Variants in MIS18A observed in about 807,000 individuals in gnomAD.
MIS18A encodes protein Mis18-alpha.
Under a neutral mutation model 25.0 loss-of-function variants are expected in MIS18A, and 14 were observed. The ratio of observed to expected loss-of-function variants is 0.56; its 90% CI spans 0.37 to 0.88. The LOEUF (loss-of-function observed/expected upper bound fraction) is 0.88, where lower values mean the gene tolerates loss of function less well. Ranked by LOEUF, MIS18A falls within the 40% of genes least tolerant of loss-of-function variation. The probability of loss-of-function intolerance (pLI) is 0.00; values close to 1 mark genes in which losing one functional copy is unlikely to be tolerated. For synonymous variants in MIS18A, 134 were observed against 118.6 expected, an observed-to-expected ratio of 1.13 and a Z score of -0.84; for missense variants, 292 against 290.8, an observed-to-expected ratio of 1.00 and a Z score of -0.03.
At chr21:32,177,601 G>C in the MIS18A span, among the ~76,000 whole-genome samples, 1 of 152,000 alleles carries the variant, frequency 6.6e-6, no homozygotes, top group South Asian at 2.1e-4. Context: ...TTGGATATAA[G>C]GTCAATTTAA....
the MIS18A span, among the ~76,000 whole-genome samples, chr21:32,195,421 A>G: frequency 6.6e-6 from 1 of 152,192 alleles, no homozygotes; most frequent in Non-Finnish European, 1.5e-5. Flanking sequence ...TGAGGCCTTT[A>G]AATTCCAGTG....
downstream of MIS18A, among the ~76,000 whole-genome samples, chr21:32,263,777 T>C (rs2031549092): frequency 6.6e-6 from 1 of 151,596 alleles, no homozygotes; most frequent in Non-Finnish European, 1.5e-5. Context: ...AGCAATATGC[T>C]GCAAACCCAG....
chr21:32,252,384 G>A, the MIS18A span, among the ~76,000 whole-genome samples: 6 of 145,340 alleles, frequency 4.1e-5, no homozygotes, highest in Middle Eastern at 7.2e-3. Context: ...GAGAGGAAGA[G>A]AGAAGAAAGA....
the MIS18A span, among the ~76,000 whole-genome samples, chr21:32,177,937 C>T: frequency 6.7e-6 from 1 of 149,156 alleles, no homozygotes; most frequent in African/African-American, 2.5e-5. Context: ...TTTTTTGAGA[C>T]AGTATCTCGT....
the MIS18A span, among the ~76,000 whole-genome samples, chr21:32,249,887 GC>G: frequency 6.6e-6 from 1 of 152,146 alleles, no homozygotes; most frequent in Non-Finnish European, 1.5e-5. Context: ...AGCAACATGA[GC>G]TTTGCAGGGG....
the MIS18A span, among the ~76,000 whole-genome samples, chr21:32,169,559 G>C: frequency 1.3e-5 from 2 of 152,076 alleles, no homozygotes; most frequent in Non-Finnish European, 2.9e-5. Context: ...GCATGCCCAG[G>C]AAATATCTGA....
the MIS18A span, among the ~76,000 whole-genome samples, chr21:32,224,043 T>G: frequency 2.6e-5 from 4 of 152,230 alleles, no homozygotes; most frequent in African/African-American, 9.6e-5. Flanking sequence ...ATTATCTCAA[T>G]AGATGCAGAA....
At chr21:32,191,970 CT>C in the MIS18A span, among the ~76,000 whole-genome samples, 1 of 152,110 alleles carries the variant, frequency 6.6e-6, no homozygotes, top group Non-Finnish European at 1.5e-5. Flanking sequence ...ATTATCTCCC[CT>C]TACCCCCTTT....
the MIS18A span, among the ~76,000 whole-genome samples, chr21:32,245,652 G>T: frequency 6.6e-6 from 1 of 152,216 alleles, no homozygotes; most frequent in Non-Finnish European, 1.5e-5. Context: ...GTGTCAAGCA[G>T]TGTGAGCCCA....
In MIS18A at chr21:32,269,763, C is replaced by T; in HGVS notation, c.565G>A (p.Asp189Asn). Residue 189 changes from aspartate (D) to asparagine (N), a missense_variant, in exon 4 of 5, where the codon GAT (aspartate) becomes AAT (asparagine). Physicochemically the swap from Asp to Asn is conservative, Grantham distance 23. Transcript: ENST00000290130. ...GSSEKQIVSE[D>N]KELFNLESRV... The stretch of plus-strand genomic sequence containing the variant: ...CTTTCAAGATTAAAAAGCTCTTTAT[C>T]TTCTGACACAATTTGCTTTTCAGAG... 1 of 1,611,952 alleles carries T rather than the reference C, an allele frequency of 6.2e-7. No homozygotes were observed.
chr21:32,263,084 A>G, the MIS18A span, among the ~76,000 whole-genome samples: 1 of 152,254 alleles, frequency 6.6e-6, no homozygotes, highest in South Asian at 2.1e-4. Context: ...GTCAGATTAG[A>G]TCAAAAAATA....
chr21:32,169,755 CAT>C, the MIS18A span, among the ~76,000 whole-genome samples: 5 of 152,178 alleles, frequency 3.3e-5, no homozygotes, highest in East Asian at 9.7e-4. Context: ...GTCTAATAAT[CAT>C]ATGAACATTA....
chr21:32,220,393 G>A, the MIS18A span, among the ~76,000 whole-genome samples: 1 of 152,206 alleles, frequency 6.6e-6, no homozygotes, highest in Non-Finnish European at 1.5e-5. Context: ...GGTCCTGACT[G>A]TTAGAAGGAA....
the MIS18A span, among the ~76,000 whole-genome samples, chr21:32,186,510 C>T: frequency 6.6e-6 from 1 of 152,208 alleles, no homozygotes; most frequent in Non-Finnish European, 1.5e-5. Context: ...CAAACTCTGA[C>T]ATCAGGGTCA....
the MIS18A span, among the ~76,000 whole-genome samples, chr21:32,193,480 G>A: frequency 7.2e-6 from 1 of 137,960 alleles, no homozygotes; most frequent in East Asian, 2.2e-4. Flanking sequence ...AGATAGATAG[G>A]TAGATAGATA....
chr21:32,156,579 C>A, the MIS18A span: 1 of 152,186 alleles, frequency 6.6e-6, no homozygotes, highest in East Asian at 1.9e-4. Flanking sequence ...AAAGGGGTTA[C>A]AACTACCTTA....
At chr21:32,193,526 AGATCGATC>A in the MIS18A span, among the ~76,000 whole-genome samples, 1 of 147,932 alleles carries the variant, frequency 6.8e-6, no homozygotes, top group African/African-American at 2.5e-5. Flanking sequence ...ATAGATGGAT[AGATCGATC>A]GATCTAATCG....
chr21:32,263,413 T>G (rs1185369875), downstream of MIS18A, among the ~76,000 whole-genome samples: 2 of 152,114 alleles, frequency 1.3e-5, no homozygotes, highest in Non-Finnish European at 2.9e-5. Flanking sequence ...CTGGCCAACA[T>G]GGTGAAACCC....
the MIS18A span, among the ~76,000 whole-genome samples, chr21:32,159,238 C>T: frequency 7.2e-5 from 11 of 152,218 alleles, no homozygotes; most frequent in South Asian, 2.3e-3. Flanking sequence ...GCATTTATTC[C>T]ATTACATTTA....
Sources: gnomAD v4.1 joint callset for allele counts (sites outside exome capture counted in the v4.1 genomes callset) on GRCh38, gnomAD v4.1.1 for gene constraint, MANE v1.5 for transcripts, NCBI Gene and HGNC (gene_info 2026-07-23, HGNC 2026-07-21) for gene names.